Variants in TMTC2 observed in about 807,000 individuals in gnomAD.
TMTC2 encodes protein O-mannosyl-transferase TMTC2.
In TMTC2, 43 loss-of-function variants were observed where a neutral mutation model predicts 82.4. That is an observed-to-expected ratio of 0.52 (90% confidence interval 0.41 to 0.67). The LOEUF (loss-of-function observed/expected upper bound fraction) is 0.67, where lower values mean the gene tolerates loss of function less well. TMTC2 is among the 30% of genes least tolerant of loss of function. The pLI is 0.00. For missense variants in TMTC2, 919 were observed against 1,012.4 expected (o/e 0.91, Z 1.25); for synonymous variants, 408 against 381.9 (o/e 1.07, Z -0.80).
intron 8 of TMTC2, chr12:83,022,035 A>G (rs1017874403): frequency 5.9e-5 from 9 of 152,122 alleles, no homozygotes; most frequent in African/African-American, 2.2e-4. Context: ...GTTAACACCT[A>G]AGAAAACAAT....
At chr12:82,867,656 G>T (rs1478264451) in intron 2 of TMTC2, among the ~76,000 whole-genome samples, 1 of 152,048 alleles carries the variant, frequency 6.6e-6, no homozygotes, top group African/African-American at 2.4e-5. Flanking sequence ...CTGAAAAAAA[G>T]ATTATACCAA....
At chr12:82,958,972 A>G (rs183749828) in intron 4 of TMTC2, among the ~76,000 whole-genome samples, 27 of 152,274 alleles carry the variant, frequency 1.8e-4, no homozygotes, top group Admixed American at 3.9e-4. Context: ...AATGACTTCA[A>G]TAAAGTTTCA....
At chr12:82,958,553 G>A (rs141451761) in intron 4 of TMTC2, among the ~76,000 whole-genome samples, 21 of 151,898 alleles carry the variant, frequency 1.4e-4, no homozygotes, top group Admixed American at 1.3e-3. Context: ...AATGTGATTC[G>A]CCACATAAGT....
chr12:82,985,996 A>C lies in TMTC2; in HGVS notation c.2020A>C (p.Thr674Pro). Residue 674 changes from threonine to proline, a missense_variant, in exon 8 of 12, where the codon ACT becomes CCT. Coordinates refer to ENST00000321196, the MANE Select transcript of TMTC2 (RefSeq NM_152588.3). ...HWYMESLRSKTDHIPAHLTYG... is the reference protein window; with the variant it reads ...HWYMESLRSKPDHIPAHLTYG... ...GTATATGGAATCACTGAGATCCAAGACTGACCACATCCCTGCTCATCTCAC... is the reference window on the plus strand; with the variant it reads ...GTATATGGAATCACTGAGATCCAAGCCTGACCACATCCCTGCTCATCTCAC... 1 of 1,614,094 alleles carries C rather than the reference A, an allele frequency of 6.2e-7. No homozygotes were observed. Among genetic ancestry groups the C allele is most frequent in the Non-Finnish European group, 8.5e-7 (1 of 1,179,950 alleles).
intron 9 of TMTC2, among the ~76,000 whole-genome samples, chr12:83,043,434 T>C (rs1881969299): frequency 9.9e-5 from 15 of 152,194 alleles, no homozygotes; most frequent in Admixed American, 9.8e-4. Context: ...GTTAGCCCAA[T>C]TACTTCCATC....
chr12:83,014,319 C>T (rs551061858), intron 8 of TMTC2, among the ~76,000 whole-genome samples: 46 of 152,190 alleles, frequency 3.0e-4, no homozygotes, highest in East Asian at 9.7e-4. Context: ...TCTGCCACCA[C>T]GCCCAGCTAA....
At chr12:82,870,644 C>T (rs1194766430) in intron 2 of TMTC2, among the ~76,000 whole-genome samples, 44 of 152,170 alleles carry the variant, frequency 2.9e-4, no homozygotes, top group Non-Finnish European at 4.4e-5. Context: ...TTACTTGTAA[C>T]TCCAGAAATG....
intron 1 of TMTC2, among the ~76,000 whole-genome samples, chr12:82,702,242 T>C (rs1181795496): frequency 6.6e-6 from 1 of 152,216 alleles, no homozygotes; most frequent in South Asian, 2.1e-4. Flanking sequence ...CCTCAGCCAC[T>C]ATCATTATTC....
At chr12:82,879,164 C>T (rs940341675) in intron 2 of TMTC2, among the ~76,000 whole-genome samples, 21 of 152,134 alleles carry the variant, frequency 1.4e-4, no homozygotes, top group African/African-American at 4.8e-4. Context: ...TCTCTTATAT[C>T]AGTTACCACC....
chr12:83,036,893 G>A (rs1213538335), intron 9 of TMTC2, among the ~76,000 whole-genome samples: 1 of 152,120 alleles, frequency 6.6e-6, no homozygotes, highest in Admixed American at 6.6e-5. Context: ...AGAAGAGAGA[G>A]AACCCAAGGG....
At chr12:82,801,891 G>A (rs1879024310) in intron 1 of TMTC2, among the ~76,000 whole-genome samples, 1 of 152,132 alleles carries the variant, frequency 6.6e-6, no homozygotes, top group Non-Finnish European at 1.5e-5. Flanking sequence ...GATACAGAGT[G>A]CTGATTGGTG....
chr12:83,097,427 C>T (rs1884067038), intron 11 of TMTC2, among the ~76,000 whole-genome samples: 1 of 152,122 alleles, frequency 6.6e-6, no homozygotes, highest in African/African-American at 2.4e-5. Context: ...TTATTTTTCC[C>T]TTGGGCTCAC....
chr12:82,893,369 C>CAAAAAAAAAA (rs71443447), intron 2 of TMTC2, among the ~76,000 whole-genome samples: 1 of 122,638 alleles, frequency 8.2e-6, no homozygotes, highest in Non-Finnish European at 1.8e-5. Flanking sequence ...GACTCTATCT[C>CAAAAAAAAAA]AAAAAAAAAA....
At chr12:82,841,532 G>A (rs776934151) in intron 1 of TMTC2, among the ~76,000 whole-genome samples, 3 of 152,028 alleles carry the variant, frequency 2.0e-5, no homozygotes, top group South Asian at 2.1e-4. Flanking sequence ...TTTCATCAGC[G>A]CTCGCATATC....
At chr12:83,108,822 G>A (rs1055766732) in intron 11 of TMTC2, among the ~76,000 whole-genome samples, 1 of 152,128 alleles carries the variant, frequency 6.6e-6, no homozygotes. Context: ...GTGCTAACAA[G>A]TGAAGATTGT....
chr12:83,114,574 A>T (rs549779414), intron 11 of TMTC2, among the ~76,000 whole-genome samples: 6 of 152,324 alleles, frequency 3.9e-5, no homozygotes, highest in Non-Finnish European at 7.4e-5. Context: ...CGTGATTTTT[A>T]AAACTGAGTA....
intron 3 of TMTC2, among the ~76,000 whole-genome samples, chr12:82,923,908 A>G (rs1413606968): frequency 6.6e-6 from 1 of 152,214 alleles, no homozygotes; most frequent in Admixed American, 6.5e-5. Context: ...CAAAATTGAC[A>G]TGATATTAAA....
chr12:82,986,769 T>C (rs1879170640), intron 8 of TMTC2, among the ~76,000 whole-genome samples: 1 of 152,222 alleles, frequency 6.6e-6, no homozygotes, highest in South Asian at 2.1e-4. Flanking sequence ...AAATTACTAG[T>C]ATTGTACCAC....
At position 82,916,768 on chromosome 12, in the gene TMTC2, T is replaced by C. The variant is rs189281911; in HGVS notation, c.1484-13663T>C. On this transcript the variant is annotated intron_variant, in intron 3 of 11. Transcript: ENST00000321196. The stretch of plus-strand genomic sequence containing the variant: ...TAAATTTTATGTTTACATTAAAATT[T>C]TTTTCTTATTGGGAATACGTTTAGT... Among the ~76,000 whole-genome samples the C allele has an allele frequency of 4.3e-4, 65 of 152,308 alleles. 1 individual carries two copies. The highest frequency in any genetic ancestry group is 4.0e-3 in the Admixed American group (61 of 15,292).
Sources: gnomAD v4.1 joint callset for allele counts (sites outside exome capture counted in the v4.1 genomes callset) on GRCh38, gnomAD v4.1.1 for gene constraint, MANE v1.5 for transcripts, NCBI Gene and HGNC (gene_info 2026-07-23, HGNC 2026-07-21) for gene names.